Variants in EPS8 observed in about 807,000 individuals in gnomAD.
EPS8 encodes EGFR pathway substrate 8, signaling adaptor.
EPS8 carries 42 observed loss-of-function variants against 103.8 expected under a neutral mutation model. The ratio of observed to expected loss-of-function variants is 0.40; its 90% CI spans 0.32 to 0.52. EPS8 has a LOEUF of 0.52. Ranked by LOEUF, EPS8 falls within the 20% of genes least tolerant of loss-of-function variation. The probability of loss-of-function intolerance (pLI) is 0.40; values close to 1 mark genes in which losing one functional copy is unlikely to be tolerated. For synonymous variants in EPS8, 344 were observed against 344.6 expected (o/e 1.00, Z 0.02); for missense variants, 969 against 1,005.1 (o/e 0.96, Z 0.49).
At chr12:15,659,919 T>C (rs926131683) in intron 10 of EPS8, among the ~76,000 whole-genome samples, 11 of 152,220 alleles carry the variant, frequency 7.2e-5, no homozygotes, top group African/African-American at 2.4e-4. Context: ...AATATTTTAG[T>C]AAGTCAACCC....
intron 1 of EPS8, among the ~76,000 whole-genome samples, chr12:15,740,095 A>G (rs1262687443): frequency 6.6e-6 from 1 of 152,182 alleles, no homozygotes; most frequent in Non-Finnish European, 1.5e-5. Flanking sequence ...ATCGGAGCAG[A>G]CTAGAAATCT....
intron 20 of EPS8, among the ~76,000 whole-genome samples, chr12:15,622,828 T>C (rs528401050): frequency 2.6e-4 from 39 of 152,268 alleles, no homozygotes; most frequent in Admixed American, 7.2e-4. Flanking sequence ...TTCTGGCCTC[T>C]TAAGGCTCTT....
chr12:15,675,735 A>G (rs2135867233), intron 3 of EPS8, among the ~76,000 whole-genome samples: 1 of 152,368 alleles, frequency 6.6e-6, no homozygotes, highest in South Asian at 2.1e-4. Context: ...CTAATTGGTA[A>G]TTCAATGAAA....
rs893473506 is a variant in EPS8, at chr12:15,696,957, T to C, written c.-21-13985A>G. ...ATTATATAGATTTTTGTTTGGGAAT[T>C]TCAGATAGATTTGTTTGGGTAAGTA... On this transcript the variant is annotated intron_variant, in intron 1 of 20. Coordinates refer to ENST00000281172, the MANE Select transcript of EPS8 (RefSeq NM_004447.6). The surrounding 1 kb of genome is among the most constrained non-coding windows in gnomAD (Gnocchi z 4.8). Among the ~76,000 whole-genome samples, 2 of 152,244 alleles carry C rather than the reference T, an allele frequency of 1.3e-5. No individual in the cohort carries two copies. The highest frequency in any genetic ancestry group is 4.8e-5 in the African/African-American group (2 of 41,524).
intron 1 of EPS8, among the ~76,000 whole-genome samples, chr12:15,699,686 G>A (rs1946287784): frequency 6.6e-6 from 1 of 152,132 alleles, no homozygotes; most frequent in African/African-American, 2.4e-5. Flanking sequence ...AATTTTTCCA[G>A]TAATCCATAT....
intron 17 of EPS8, among the ~76,000 whole-genome samples, chr12:15,633,046 AG>A (rs776808511): frequency 4.6e-5 from 7 of 152,126 alleles, no homozygotes; most frequent in Non-Finnish European, 1.0e-4. Flanking sequence ...GCAGGACAGG[AG>A]GGAAGGAGGG....
rs1406816424 is a variant in EPS8, at chr12:15,713,004, A to C, written c.-21-30032T>G. ...CAGTTTCGGCATTGTACTGTACCAA[A>C]CAAAATTTCTGATTTGGTTTCTCTA... On this transcript the variant is annotated intron_variant, in intron 1 of 20. Transcript: ENST00000281172. The surrounding 1 kb of genome is among the most constrained non-coding windows in gnomAD (Gnocchi z 4.8). The C allele has an allele frequency of 1.8e-5, 18 of 985,252 alleles. No homozygotes were observed. The highest frequency in any genetic ancestry group is 1.9e-5 in the Non-Finnish European group (16 of 829,796). 61.0% of individuals were successfully genotyped at this position (985,252 alleles called of 1,614,324 possible). A position where few individuals can be genotyped will look rare whatever the true frequency, so the allele number is the denominator to read the frequency against.
rs140433006 is a variant in EPS8, at chr12:15,787,714, T to C, written c.-22+1447A>G. Among the ~76,000 whole-genome samples, 3 of 152,332 alleles carry C rather than the reference T, an allele frequency of 2.0e-5. No homozygotes were observed. The highest frequency in any genetic ancestry group is 3.8e-4 in the East Asian group (2 of 5,196). On this transcript the variant is annotated intron_variant, in intron 1 of 20. Transcript: ENST00000281172. This position sits in a 1 kb window ranked among gnomAD's most constrained non-coding sequence, Gnocchi z 4.9. The stretch of plus-strand genomic sequence containing the variant: ...TGCAATCTTACAAAGTCTCAATCTG[T>C]GTATTCTGCAATAAAGGCATTATAT...
At position 15,762,653 on chromosome 12, in the gene EPS8, G is replaced by A. The variant is rs1046038657; in HGVS notation, c.-22+26508C>T. ...TACAGGTGGAACTGGAAGTCATTAC[G>A]TTAAGTGAAATAAGCCAGGCACAGA... On this transcript the variant is annotated intron_variant, in intron 1 of 20. Transcript: ENST00000281172. The surrounding 1 kb of genome is among the most constrained non-coding windows in gnomAD (Gnocchi z 4.8). 1.2e-4 allele frequency among the ~76,000 whole-genome samples: 18 copies of A among 152,120 alleles called. No homozygotes were observed. Among genetic ancestry groups the A allele is most frequent in the African/African-American group, 2.9e-4 (12 of 41,438 alleles).
rs1946718705 is a variant in EPS8, at chr12:15,731,750, T to C, written c.-21-48778A>G. 1.3e-5 allele frequency among the ~76,000 whole-genome samples: 2 copies of C among 152,208 alleles called. No individual in the cohort carries two copies. The highest frequency in any genetic ancestry group is 4.8e-5 in the African/African-American group (2 of 41,456). ...TTCGTGTAAGGGTCAATAATTTCAA[T>C]CATCCCCCAAACTGGCAGCAAAAAG... On this transcript the variant is annotated intron_variant, in intron 1 of 20. Transcript: ENST00000281172. This position sits in a 1 kb window ranked among gnomAD's most constrained non-coding sequence, Gnocchi z 5.1.
intron 1 of EPS8, among the ~76,000 whole-genome samples, chr12:15,770,123 G>A (rs772139811): frequency 6.6e-6 from 1 of 151,164 alleles, no homozygotes; most frequent in African/African-American, 2.4e-5. Flanking sequence ...ATTTTTTGTA[G>A]AGATAGGGTT....
chr12:15,709,193 C>T (rs1946428687), intron 1 of EPS8, among the ~76,000 whole-genome samples: 1 of 152,142 alleles, frequency 6.6e-6, no homozygotes, highest in South Asian at 2.1e-4. Flanking sequence ...TCTAACCCAT[C>T]ATAGTAAGAG....
At chr12:15,679,198 C>T (rs1030614248) in intron 3 of EPS8, among the ~76,000 whole-genome samples, 1 of 152,120 alleles carries the variant, frequency 6.6e-6, no homozygotes, top group African/African-American at 2.4e-5. Flanking sequence ...TCATCAAATT[C>T]ATCCTCAATA....
At chr12:15,626,478 A>C (rs1038044579) in intron 18 of EPS8, among the ~76,000 whole-genome samples, 1 of 151,798 alleles carries the variant, frequency 6.6e-6, no homozygotes, top group African/African-American at 2.4e-5. Context: ...AAAATACAAA[A>C]ATTAGCTGGG....
At chr12:15,654,086 T>G (rs1945464658) in intron 13 of EPS8, 59 bp downstream of exon 13, 1 of 1,480,210 alleles carries the variant, frequency 6.8e-7, no homozygotes, top group Non-Finnish European at 9.4e-7. Flanking sequence ...AATGTCTCAT[T>G]AGATCCATGT....
At position 15,706,877 on chromosome 12, in the gene EPS8, C is replaced by T. The variant is rs911565873; in HGVS notation, c.-21-23905G>A. ...TACTAACTAAATTTATACAAATGCC[C>T]ATATTTGATATCTAGTTAGCAAGCC... On this transcript the variant is annotated intron_variant, in intron 1 of 20. Coordinates refer to ENST00000281172, the MANE Select transcript of EPS8 (RefSeq NM_004447.6). The surrounding 1 kb of genome is among the most constrained non-coding windows in gnomAD (Gnocchi z 5.2). 6.6e-6 allele frequency among the ~76,000 whole-genome samples: 1 copy of T among 151,978 alleles called. No homozygotes were observed.
intron 3 of EPS8, among the ~76,000 whole-genome samples, chr12:15,674,845 G>C (rs1190274886): frequency 4.0e-5 from 1 of 25,122 alleles, no homozygotes; most frequent in Admixed American, 6.8e-4. Flanking sequence ...AAAAAAATTT[G>C]TTCTGTTAAA....
chr12:15,650,679 A>G, intron 14 of EPS8, 144 bp downstream of exon 14: 1 of 705,348 alleles, frequency 1.4e-6, no homozygotes, highest in Non-Finnish European at 2.3e-6. Flanking sequence ...CAAGAGAGAG[A>G]GGTAATTCAG....
chr12:15,648,007 T>A (rs970942858), intron 14 of EPS8, among the ~76,000 whole-genome samples: 1 of 152,232 alleles, frequency 6.6e-6, no homozygotes, highest in African/African-American at 2.4e-5. Context: ...ATCCCTTGCA[T>A]GTGCAGTTCA....
Sources: gnomAD v4.1 joint callset for allele counts (sites outside exome capture counted in the v4.1 genomes callset) on GRCh38, gnomAD v4.1.1 for gene constraint, Gnocchi (gnomAD v3.1) non-coding constraint, MANE v1.5 for transcripts, NCBI Gene and HGNC (gene_info 2026-07-23, HGNC 2026-07-21) for gene names.